TECTA: variants seen among roughly 807,000 people sequenced by gnomAD.
The protein encoded by TECTA is tectorin alpha.
TECTA carries 128 observed loss-of-function variants against 216.8 expected under a neutral mutation model. The ratio of observed to expected loss-of-function variants is 0.59; its 90% CI spans 0.51 to 0.68. The LOEUF is 0.68. TECTA is among the 30% of genes least tolerant of loss of function. TECTA has a pLI of 0.00. For synonymous variants in TECTA, 1,089 were observed against 1,117.1 expected, an observed-to-expected ratio of 0.97 and a Z score of 0.50; for missense variants, 2,551 against 2,786.2, an observed-to-expected ratio of 0.92 and a Z score of 1.90.
At chr11:121,135,657 C>A (rs1419025861) in intron 10 of TECTA, among the ~76,000 whole-genome samples, 1 of 152,220 alleles carries the variant, frequency 6.6e-6, no homozygotes, top group Non-Finnish European at 1.5e-5. Flanking sequence ...GTGGGCAGAA[C>A]TATTATTGCC....
chr11:121,119,366 C>A (rs1946535323), intron 7 of TECTA, among the ~76,000 whole-genome samples: 1 of 152,020 alleles, frequency 6.6e-6, no homozygotes, highest in Non-Finnish European at 1.5e-5. Context: ...GAATAGAGTC[C>A]CCAACTCCCA....
At chr11:121,162,410 TG>T in intron 16 of TECTA, 40 bp downstream of exon 16, 1 of 1,596,930 alleles carries the variant, frequency 6.3e-7, no homozygotes, top group African/African-American at 1.3e-5. Flanking sequence ...CCATTTTCAG[TG>T]AAAAGAACAG....
At chr11:121,128,637 G>A (rs1412437887) in intron 9 of TECTA, among the ~76,000 whole-genome samples, 1 of 152,190 alleles carries the variant, frequency 6.6e-6, no homozygotes, top group Non-Finnish European at 1.5e-5. Flanking sequence ...CCCCTTATAA[G>A]CAGTATCACA....
At chr11:121,158,539 T>C (rs995551624) in intron 14 of TECTA, among the ~76,000 whole-genome samples, 1 of 152,216 alleles carries the variant, frequency 6.6e-6, no homozygotes, top group Admixed American at 6.5e-5. Context: ...CTGATTGCTT[T>C]CCAAAAAGCA....
Position 121,137,420 on chromosome 11 carries a change from G to A in TECTA, c.2942-1G>A. On this transcript the variant is annotated splice_acceptor_variant, in intron 10 of 23. Coordinates refer to ENST00000392793, the MANE Select transcript of TECTA (RefSeq NM_005422.4). LOFTEE classifies it high-confidence loss of function. Reference sequence around the variant, plus strand: ...CCCGTCTTCTCCTTGACCACCTGCAGCACTGGAGTGCCCAGAGAACAGCCA... The same window carrying A: ...CCCGTCTTCTCCTTGACCACCTGCAACACTGGAGTGCCCAGAGAACAGCCA... The A allele has an allele frequency of 6.2e-7, 1 of 1,613,884 alleles. No homozygotes were observed. Among genetic ancestry groups the A allele is most frequent in the Non-Finnish European group, 8.5e-7 (1 of 1,179,988 alleles).
chr11:121,156,976 G>A (rs771874920), intron 13 of TECTA, among the ~76,000 whole-genome samples: 42 of 152,132 alleles, frequency 2.8e-4, no homozygotes, highest in Middle Eastern at 3.2e-3. Context: ...TTCAGGACAC[G>A]TGGGAATGAA....
chr11:121,145,199 G>GA (rs1303892815), intron 11 of TECTA, among the ~76,000 whole-genome samples: 2 of 152,172 alleles, frequency 1.3e-5, no homozygotes, highest in Admixed American at 6.5e-5. Flanking sequence ...GGTAGAGCTA[G>GA]AAATAGAAAC....
At chr11:121,124,281 G>A (rs543078666) in intron 7 of TECTA, among the ~76,000 whole-genome samples, 2 of 152,244 alleles carry the variant, frequency 1.3e-5, no homozygotes, top group African/African-American at 4.8e-5. Context: ...ATGCGTATTT[G>A]TAGAATGAAT....
At position 121,113,690 on chromosome 11, in the gene TECTA, T is replaced by A. The variant is rs142743467; in HGVS notation, c.762T>A (p.Ile254=). 43 of 1,613,752 alleles carry A rather than the reference T, an allele frequency of 2.7e-5. No individual in the cohort carries two copies. The African/African-American group carries it at 4.9e-4, about 19-fold the overall frequency. ...RWAFKVDGKE[I]DPANGCTSRG... Reference sequence around the variant, plus strand: ...CATTTAAAGTTGATGGAAAGGAAATTGACCCAGCCAATGGCTGCACCTCAA... The same window carrying A: ...CATTTAAAGTTGATGGAAAGGAAATAGACCCAGCCAATGGCTGCACCTCAA... The change falls in exon 6 of 24, where the codon ATT becomes ATA. Residue 254 remains isoleucine (I), a synonymous_variant. Coordinates refer to ENST00000392793, the MANE Select transcript of TECTA (RefSeq NM_005422.4). This position sits in a 1 kb window ranked among gnomAD's most constrained non-coding sequence, Gnocchi z 4.2.
At position 121,109,201 on chromosome 11, in the gene TECTA, A is replaced by T; in HGVS notation, c.199-10A>T. ...AGATCCACTGTGCAAAACCTCTCTTATTTTCGTAGGTCAATAACAACGGAG... is the reference window on the plus strand; with the variant it reads ...AGATCCACTGTGCAAAACCTCTCTTTTTTTCGTAGGTCAATAACAACGGAG... On this transcript the variant is annotated splice_polypyrimidine_tract_variant and intron_variant, in intron 3 of 23. Transcript: ENST00000392793. The T allele has an allele frequency of 6.2e-7, 1 of 1,613,960 alleles. No homozygotes were observed. The highest frequency in any genetic ancestry group is 8.5e-7 in the Non-Finnish European group (1 of 1,179,996).
rs1363974904 is a variant in TECTA at position 121,189,138 on chromosome 11, T to C, written c.6221T>C (p.Ile2074Thr). Reference sequence around the variant, plus strand: ...TACACAAAAGAGCCCAAAGAACAGATCATTTCAGTGGGACCTATTAGGAGA... The same window carrying C: ...TACACAAAAGAGCCCAAAGAACAGACCATTTCAGTGGGACCTATTAGGAGA... ...TDYTKEPKEQ[I>T]ISVGPIRRKR... is the part of the protein sequence containing the mutation. Residue 2074 changes from isoleucine to threonine, a missense_variant, in exon 22 of 24, where the codon ATC becomes ACC. Coordinates refer to ENST00000392793, the MANE Select transcript of TECTA (RefSeq NM_005422.4). The C allele has an allele frequency of 6.8e-6, 11 of 1,614,016 alleles. No homozygotes were observed. The highest frequency in any genetic ancestry group is 9.3e-6 in the Non-Finnish European group (11 of 1,180,026).
chr11:121,156,626 G>A (rs1343782616), intron 13 of TECTA, among the ~76,000 whole-genome samples: 6 of 151,084 alleles, frequency 4.0e-5, no homozygotes, highest in Non-Finnish European at 8.8e-5. Context: ...TTACAGGCAT[G>A]AGTCACTGCA....
intron 15 of TECTA, among the ~76,000 whole-genome samples, chr11:121,161,414 A>G (rs1261269500): frequency 6.6e-6 from 1 of 151,984 alleles, no homozygotes; most frequent in Admixed American, 6.5e-5. Flanking sequence ...AACTTTGGAC[A>G]TTACATTTAG....
chr11:121,174,934 C>T (rs919152510), intron 20 of TECTA, among the ~76,000 whole-genome samples: 9 of 152,144 alleles, frequency 5.9e-5, no homozygotes, highest in Admixed American at 1.3e-4. Context: ...GTGTATGTGT[C>T]GAGGAATTTA....
At chr11:121,108,642 C>T (rs1432870864) in intron 3 of TECTA, among the ~76,000 whole-genome samples, 1 of 150,290 alleles carries the variant, frequency 6.7e-6, no homozygotes, top group Non-Finnish European at 1.5e-5. Context: ...AGAATACACA[C>T]ACAAAGCCCA....
chr11:121,129,491 C>A, intron 9 of TECTA, 147 bp from the exon 10 acceptor site: 1 of 751,516 alleles, frequency 1.3e-6, no homozygotes, highest in Non-Finnish European at 2.3e-6. Flanking sequence ...CATGACAAAT[C>A]GGTTGGTATC....
At chr11:121,119,490 CA>C (rs1290215028) in intron 7 of TECTA, among the ~76,000 whole-genome samples, 1 of 152,108 alleles carries the variant, frequency 6.6e-6, no homozygotes, top group East Asian at 1.9e-4. Context: ...AGAGAAAAAG[CA>C]AAAAGCTACT....
In TECTA at chr11:121,125,544, T is replaced by G. The variant is rs1331799197; in HGVS notation, c.1446T>G (p.Ser482=). The change falls in exon 8 of 24, where the codon TCT becomes TCG. Residue 482 remains serine (S), a synonymous_variant. Coordinates refer to ENST00000392793, the MANE Select transcript of TECTA (RefSeq NM_005422.4). ...FLRPDGRPAM[S]VLDLGESWRV... ...GCCCGGATGGCAGGCCGGCCATGTCTGTCCTGGATCTGGGAGAGAGCTGGC... is the reference window on the plus strand; with the variant it reads ...GCCCGGATGGCAGGCCGGCCATGTCGGTCCTGGATCTGGGAGAGAGCTGGC... 6.2e-7 allele frequency: 1 copy of G among 1,614,212 alleles called. No individual in the cohort carries two copies.
At chr11:121,103,652 G>A (rs1019195155) in intron 2 of TECTA, among the ~76,000 whole-genome samples, 1 of 151,944 alleles carries the variant, frequency 6.6e-6, no homozygotes, top group African/African-American at 2.4e-5. Flanking sequence ...CATGGATAGG[G>A]ATATTCTTTC....
Sources: gnomAD v4.1 joint callset for allele counts (sites outside exome capture counted in the v4.1 genomes callset) on GRCh38, gnomAD v4.1.1 for gene constraint, Gnocchi (gnomAD v3.1) non-coding constraint, MANE v1.5 for transcripts, NCBI Gene and HGNC (gene_info 2026-07-23, HGNC 2026-07-21) for gene names.